NEK7: variants seen among roughly 807,000 people sequenced by gnomAD.
The protein encoded by NEK7 is NIMA related kinase 7, also known as serine/threonine-protein kinase Nek7.
A neutral mutation model predicts 44.6 loss-of-function variants in NEK7; 18 were observed. The observed-to-expected ratio is 0.40, with a 90% CI of 0.28 to 0.60. NEK7 has a LOEUF of 0.60. NEK7 is among the 20% of genes least tolerant of loss of function. NEK7 has a pLI of 0.38. For synonymous variants in NEK7, 130 were observed against 121.1 expected (o/e 1.07, Z -0.48); for missense variants, 256 against 366.5 (o/e 0.70, Z 2.46).
At chr1:198,237,441 A>G (rs1314725657) in intron 2 of NEK7, among the ~76,000 whole-genome samples, 2 of 151,828 alleles carry the variant, frequency 1.3e-5, no homozygotes, top group African/African-American at 4.8e-5. Flanking sequence ...ACAGCCCACC[A>G]TCTTCTCCTT....
intron 1 of NEK7, among the ~76,000 whole-genome samples, chr1:198,173,629 T>A (rs2102725913): frequency 6.6e-6 from 1 of 152,132 alleles, no homozygotes; most frequent in Admixed American, 6.6e-5. Flanking sequence ...AGACCATCTT[T>A]ATGACACTTT....
At chr1:198,238,195 T>C (rs1012672847) in intron 2 of NEK7, among the ~76,000 whole-genome samples, 2 of 151,952 alleles carry the variant, frequency 1.3e-5, no homozygotes, top group Admixed American at 6.6e-5. Context: ...AACACACTTC[T>C]CCCCCCCAGG....
chr1:198,172,322 C>A (rs996938949), intron 1 of NEK7, among the ~76,000 whole-genome samples: 1 of 152,124 alleles, frequency 6.6e-6, no homozygotes, highest in Non-Finnish European at 1.5e-5. Context: ...AACTTTCTTG[C>A]AGACTCTTTG....
intron 9 of NEK7, among the ~76,000 whole-genome samples, chr1:198,311,461 C>T (rs1655179641): frequency 6.6e-6 from 1 of 151,614 alleles, no homozygotes; most frequent in South Asian, 2.1e-4. Context: ...CTGGCCAGTG[C>T]TTCCAACACT....
intron 1 of NEK7, among the ~76,000 whole-genome samples, chr1:198,209,153 C>CTTTT (rs11389228): frequency 7.3e-6 from 1 of 137,300 alleles, no homozygotes; most frequent in Non-Finnish European, 1.5e-5. Flanking sequence ...TATATATATA[C>CTTTT]TTTTTTTTTT....
intron 5 of NEK7, among the ~76,000 whole-genome samples, chr1:198,272,879 G>A (rs1653899472): frequency 6.6e-6 from 1 of 151,608 alleles, no homozygotes; most frequent in South Asian, 2.1e-4. Flanking sequence ...AACTGTTTTG[G>A]GGAAGTTTTG....
At chr1:198,216,652 T>A (rs144295851) in intron 1 of NEK7, among the ~76,000 whole-genome samples, 71 of 151,710 alleles carry the variant, frequency 4.7e-4, no homozygotes, top group Non-Finnish European at 9.4e-4. Flanking sequence ...CAAAAACTGG[T>A]TATTTGAAAA....
At chr1:198,174,349 T>C (rs1020437597) in intron 1 of NEK7, among the ~76,000 whole-genome samples, 1 of 151,202 alleles carries the variant, frequency 6.6e-6, no homozygotes, top group African/African-American at 2.4e-5. Flanking sequence ...AATCTTAATT[T>C]GCATTGACGT....
At chr1:198,195,252 A>G (rs1389913997) in intron 1 of NEK7, among the ~76,000 whole-genome samples, 4 of 152,174 alleles carry the variant, frequency 2.6e-5, no homozygotes, top group African/African-American at 9.7e-5. Context: ...AGTAGACTAA[A>G]AAAAAACAGG....
At chr1:198,296,228 A>T (rs1488688822) in intron 8 of NEK7, among the ~76,000 whole-genome samples, 2 of 152,176 alleles carry the variant, frequency 1.3e-5, no homozygotes, top group Non-Finnish European at 2.9e-5. Flanking sequence ...TTATTAGCAC[A>T]TGTAGAAAAG....
At chr1:198,294,979 G>T (rs543702882) in intron 8 of NEK7, among the ~76,000 whole-genome samples, 1 of 151,530 alleles carries the variant, frequency 6.6e-6, no homozygotes, top group East Asian at 1.9e-4. Flanking sequence ...CACGTATTTT[G>T]TATTGTACCC....
intron 1 of NEK7, among the ~76,000 whole-genome samples, chr1:198,209,074 C>A (rs1665688826): frequency 7.0e-6 from 1 of 143,292 alleles, no homozygotes; most frequent in Admixed American, 7.0e-5. Context: ...CACACATACG[C>A]ACATATGTAT....
intron 9 of NEK7, among the ~76,000 whole-genome samples, chr1:198,305,912 C>A (rs1274055127): frequency 1.3e-5 from 2 of 152,052 alleles, no homozygotes; most frequent in Non-Finnish European, 2.9e-5. Flanking sequence ...GGAAGGTCAC[C>A]CCACCTTTGT....
chr1:198,314,943 A>G (rs867641317), intron 9 of NEK7, among the ~76,000 whole-genome samples: 3 of 152,294 alleles, frequency 2.0e-5, no homozygotes, highest in Admixed American at 1.3e-4. Context: ...GGTCTCCTTG[A>G]GCTGTGGTGA....
chr1:198,193,718 C>T (rs1350665451), intron 1 of NEK7, among the ~76,000 whole-genome samples: 1 of 152,054 alleles, frequency 6.6e-6, no homozygotes, highest in Non-Finnish European at 1.5e-5. Flanking sequence ...TTAAGAGATG[C>T]AGAAAAGGCC....
At chr1:198,303,616 T>A (rs962618584) in intron 9 of NEK7, among the ~76,000 whole-genome samples, 3 of 152,136 alleles carry the variant, frequency 2.0e-5, no homozygotes, top group African/African-American at 7.2e-5. Context: ...TTGCTAGATT[T>A]ACAAATTTTA....
At chr1:198,286,558 G>A (rs73080773) in intron 7 of NEK7, among the ~76,000 whole-genome samples, 3,973 of 151,918 alleles carry the variant, frequency 0.026, 169 homozygotes, top group African/African-American at 0.09. Flanking sequence ...TCATTAACAC[G>A]TTTGTATTTA....
chr1:198,236,247 A>G (rs967309962), intron 2 of NEK7, among the ~76,000 whole-genome samples: 14 of 152,064 alleles, frequency 9.2e-5, no homozygotes, highest in African/African-American at 2.9e-4. Flanking sequence ...GTTTCTTTTG[A>G]TAAACTGATT....
chr1:198,303,356 C>T (rs1269477674), intron 9 of NEK7, among the ~76,000 whole-genome samples: 5 of 151,086 alleles, frequency 3.3e-5, no homozygotes, highest in African/African-American at 7.3e-5. Context: ...GGTTTCAAAC[C>T]GAATATTTAT....
Sources: allele counts gnomAD v4.1 joint callset (sites outside exome capture counted in the v4.1 genomes callset), GRCh38; gene constraint gnomAD v4.1.1; transcripts MANE v1.5; gene names NCBI Gene and HGNC (gene_info 2026-07-23, HGNC 2026-07-21).